FAM110A: variants seen among roughly 807,000 people sequenced by gnomAD.
FAM110A encodes protein FAM110A.
A neutral mutation model predicts 4.0 loss-of-function variants in FAM110A; 1 was observed. The observed-to-expected ratio is 0.25, with a 90% confidence interval of 0.09 to 1.20. The LOEUF (loss-of-function observed/expected upper bound fraction) is 1.20. Among genes scored for constraint, FAM110A ranks in the 50% most tolerant of loss-of-function variants. The pLI is 0.50. For missense variants in FAM110A, 436 were observed against 429.2 expected (o/e 1.02, Z -0.14); for synonymous variants, 217 against 196.8 (o/e 1.10, Z -0.86).
At chr20:836,871 AT>A (rs900445098) in intron 1 of FAM110A, among the ~76,000 whole-genome samples, 2 of 151,260 alleles carry the variant, frequency 1.3e-5, no homozygotes, top group Non-Finnish European at 2.9e-5. Flanking sequence ...AACACTTGTT[AT>A]TTTCTGTTTG....
intron 1 of FAM110A, among the ~76,000 whole-genome samples, chr20:843,150 G>A (rs887836835): frequency 8.5e-5 from 13 of 152,152 alleles, no homozygotes; most frequent in African/African-American, 1.9e-4. Context: ...GAAACAGGAC[G>A]TGGTATTGAG....
intron 1 of FAM110A, among the ~76,000 whole-genome samples, chr20:835,343 CA>C (rs1385946676): frequency 6.6e-6 from 1 of 151,916 alleles, no homozygotes; most frequent in Non-Finnish European, 1.5e-5. Flanking sequence ...TGCTCTGTGA[CA>C]TTGAGTAAGT....
At chr20:842,620 C>T (rs1979997464) in intron 1 of FAM110A, among the ~76,000 whole-genome samples, 1 of 152,136 alleles carries the variant, frequency 6.6e-6, no homozygotes, top group Non-Finnish European at 1.5e-5. Flanking sequence ...ATGGCTGCTG[C>T]AGAGGTCTCC....
At position 844,734 on chromosome 20, in the gene FAM110A, T is replaced by G; in HGVS notation, c.-71T>G. 1 of 1,361,194 alleles carries G rather than the reference T, an allele frequency of 7.3e-7. No homozygotes were observed. The allele number at this position is 1,361,194 out of a possible 1,614,324, so 84.3% of individuals were successfully genotyped here. ...AGTGGCCGGTGTCCAGCTGCCTACTTTCTGCCCGGATCTCTGGCTCCTCAT... is the reference window on the plus strand; with the variant it reads ...AGTGGCCGGTGTCCAGCTGCCTACTGTCTGCCCGGATCTCTGGCTCCTCAT... On this transcript the variant is annotated 5_prime_UTR_variant, in exon 2 of 2. Coordinates refer to ENST00000381941, the MANE Select transcript of FAM110A (RefSeq NM_001042353.3).
At chr20:844,636 C>T (rs1334334064) in intron 1 of FAM110A, 72 bp from the exon 2 acceptor site, 6 of 1,147,612 alleles carry the variant, frequency 5.2e-6, no homozygotes, top group Admixed American at 3.7e-5. Context: ...GTCTTATCCT[C>T]TCAGCCGCGG....
chr20:842,304 G>A (rs1286439481), intron 1 of FAM110A, among the ~76,000 whole-genome samples: 1 of 152,234 alleles, frequency 6.6e-6, no homozygotes, highest in African/African-American at 2.4e-5. Context: ...GGGCCAGAGG[G>A]GCTGGGGGCC....
intron 1 of FAM110A, chr20:839,342 G>A: frequency 2.2e-6 from 1 of 463,238 alleles, no homozygotes; most frequent in Non-Finnish European, 4.1e-6. Context: ...TTAACATTTT[G>A]TAGAGCTTAG....
chr20:839,861 A>G (rs1979787237), intron 1 of FAM110A: 1 of 1,605,688 alleles, frequency 6.2e-7, no homozygotes, highest in Admixed American at 1.7e-5. Context: ...GGTTGGGCAC[A>G]TTCTTGTCTG....
intron 1 of FAM110A, among the ~76,000 whole-genome samples, chr20:843,075 G>C (rs948169593): frequency 1.2e-4 from 18 of 152,164 alleles, no homozygotes; most frequent in Non-Finnish European, 2.4e-4. Flanking sequence ...TACACAAATA[G>C]AGTACTTGTG....
Position 845,591 on chromosome 20 carries a change from C to G in FAM110A, c.787C>G (p.Arg263Gly). 6.2e-7 allele frequency: 1 copy of G among 1,613,984 alleles called. No individual in the cohort carries two copies. Among genetic ancestry groups the G allele is most frequent in the Non-Finnish European group, 8.5e-7 (1 of 1,179,990 alleles). ...SVTVEERARE[R>G]VPYGVSVVER... Reference sequence around the variant, plus strand: ...GACTGTTGAGGAGCGGGCCCGGGAGCGCGTTCCCTATGGCGTGTCGGTGGT... The same window carrying G: ...GACTGTTGAGGAGCGGGCCCGGGAGGGCGTTCCCTATGGCGTGTCGGTGGT... The change falls in exon 2 of 2, where the codon CGC (arginine) becomes GGC (glycine). Residue 263 changes from arginine (R) to glycine (G), a missense_variant. By Grantham distance (125) the Arg-to-Gly change is moderately radical (BLOSUM62 -2). Coordinates refer to ENST00000381941, the MANE Select transcript of FAM110A (RefSeq NM_001042353.3).
At position 844,981 on chromosome 20, in the gene FAM110A, G is replaced by A; in HGVS notation, c.177G>A (p.Val59=). Residue 59 remains valine (V), a synonymous_variant, in exon 2 of 2, where the codon GTG becomes GTA. Transcript: ENST00000381941. ...CCAAGTACGTCAAGAGCCTGCACGT[G>A]GCCAACACCCGCCAGGAGCCTGTGC... ...DKAKYVKSLH[V]ANTRQEPVQP... 3 of 1,596,024 alleles carry A rather than the reference G, an allele frequency of 1.9e-6. No homozygotes were observed. Among genetic ancestry groups the A allele is most frequent in the Non-Finnish European group, 2.6e-6 (3 of 1,172,144 alleles).
rs1295104541 is a variant in FAM110A, at chr20:845,416, C to CT, written c.618dup (p.Asn207Ter). The CT allele has an allele frequency of 6.2e-7, 1 of 1,613,784 alleles. No homozygotes were observed. Among genetic ancestry groups the CT allele is most frequent in the Non-Finnish European group, 8.5e-7 (1 of 1,179,890 alleles). On this transcript the variant is annotated frameshift_variant, in exon 2 of 2. Transcript: ENST00000381941. LOFTEE classifies it high-confidence loss of function. ...CTAGGGCAGCCGCTGATCTCGAGCG[C>CT]TTTTTTAACTTCTGCGGCCTGGACC...
chr20:845,033 T>G lies in FAM110A; in HGVS notation c.229T>G (p.Phe77Val), dbSNP rs374261858. 2 of 1,595,016 alleles carry G rather than the reference T, an allele frequency of 1.3e-6. No individual in the cohort carries two copies. The highest frequency in any genetic ancestry group is 8.5e-7 in the Non-Finnish European group (1 of 1,171,682). ...VQPLLSKQPL[F>V]SPETRRTVLT... ...GCCCCTGCTGTCCAAACAGCCGCTC[T>G]TTAGCCCTGAGACTCGCCGCACAGT... The change falls in exon 2 of 2, where the codon TTT (phenylalanine) becomes GTT (valine). Residue 77 changes from phenylalanine (F) to valine (V), a missense_variant. Physicochemically the swap from Phe to Val is conservative, Grantham distance 50. Transcript: ENST00000381941.
Position 845,445 on chromosome 20 carries a change from A to T in FAM110A, c.641A>T (p.Glu214Val), listed in dbSNP as rs1230318543. 1 of 1,613,614 alleles carries T rather than the reference A, an allele frequency of 6.2e-7. No homozygotes were observed. Among genetic ancestry groups the T allele is most frequent in the South Asian group, 1.1e-5 (1 of 91,054 alleles). The change falls in exon 2 of 2, where the codon GAG (glutamate) becomes GTG (valine). Residue 214 changes from glutamate (E) to valine (V), a missense_variant. Physicochemically the swap from Glu to Val is moderately radical, Grantham distance 121. Transcript: ENST00000381941. Reference sequence around the variant, plus strand: ...TTTAACTTCTGCGGCCTGGACCCGGAGGAGGCGAGAGGGTTGGGTGTGGCC... The same window carrying T: ...TTTAACTTCTGCGGCCTGGACCCGGTGGAGGCGAGAGGGTTGGGTGTGGCC... ...RFFNFCGLDPEEARGLGVAHL... is the reference protein window; with the variant it reads ...RFFNFCGLDPVEARGLGVAHL...
At chr20:839,760 T>C in intron 1 of FAM110A, 1 of 1,433,028 alleles carries the variant, frequency 7.0e-7, no homozygotes, top group Non-Finnish European at 9.8e-7. Flanking sequence ...GCTACCCTCA[T>C]TGGTAAGGTA....
In FAM110A at chr20:844,817, A is replaced by G; in HGVS notation, c.13A>G (p.Thr5Ala). 1.3e-6 allele frequency: 2 copies of G among 1,493,688 alleles called. No homozygotes were observed. The highest frequency in any genetic ancestry group is 1.8e-6 in the Non-Finnish European group (2 of 1,123,828). 92.5% of individuals were successfully genotyped at this position (1,493,688 alleles called of 1,614,324 possible). The change falls in exon 2 of 2, where the codon ACG becomes GCG. Residue 5 changes from threonine (T) to alanine (A), a missense_variant. Physicochemically the swap from Thr to Ala is moderately conservative, Grantham distance 58. Transcript: ENST00000381941. ...ATATGCAGCAGCCATGCCTGTGCAC[A>G]CGCTGAGCCCCGGAGCCCCGTCCGC... MPVH[T>A]LSPGAPSAPA...
Position 845,372 on chromosome 20 carries a change from G to C in FAM110A, c.568G>C (p.Asp190His). Residue 190 changes from aspartate (D) to histidine (H), a missense_variant, in exon 2 of 2, where the codon GAC (aspartate) becomes CAC (histidine). Coordinates refer to ENST00000381941, the MANE Select transcript of FAM110A (RefSeq NM_001042353.3). ...GCCGGGTTTGCAACGCTCCAAGTCG[G>C]ACTTGAGCGAGCGCTTTTCTAGGGC... The part of the protein sequence containing the change: ...RPPGLQRSKS[D>H]LSERFSRAAA... The C allele has an allele frequency of 1.2e-6, 2 of 1,612,224 alleles. No homozygotes were observed. The highest frequency in any genetic ancestry group is 8.5e-7 in the Non-Finnish European group (1 of 1,179,428).
At chr20:844,674 GC>G (rs1384166524) in intron 1 of FAM110A, 33 bp from the exon 2 acceptor site, 8 of 1,123,720 alleles carry the variant, frequency 7.1e-6, no homozygotes, top group Non-Finnish European at 1.2e-6. Context: ...AGCGCGCTCG[GC>G]TTTTTTTTTT....
Position 845,628 on chromosome 20 carries a change from C to T in FAM110A, c.824C>T (p.Ala275Val). The T allele has an allele frequency of 1.2e-6, 2 of 1,614,078 alleles. No homozygotes were observed. Among genetic ancestry groups the T allele is most frequent in the Non-Finnish European group, 1.7e-6 (2 of 1,180,016 alleles). ...PYGVSVVERN[A>V]RVIKWLYGLR... ...GGCGTGTCGGTGGTGGAGCGCAATG[C>T]CCGCGTGATCAAGTGGTTGTATGGG... The change falls in exon 2 of 2, where the codon GCC (alanine) becomes GTC (valine). Residue 275 changes from alanine (A) to valine (V), a missense_variant. Physicochemically the swap from Ala to Val is moderately conservative, Grantham distance 64. Coordinates refer to ENST00000381941, the MANE Select transcript of FAM110A (RefSeq NM_001042353.3).
Sources: gnomAD v4.1 joint callset for allele counts (sites outside exome capture counted in the v4.1 genomes callset) on GRCh38, gnomAD v4.1.1 for gene constraint, MANE v1.5 for transcripts, NCBI Gene and HGNC (gene_info 2026-07-23, HGNC 2026-07-21) for gene names.